The following UPRT variants were observed in gnomAD, a reference collection of about 807,000 sequenced individuals.
UPRT encodes the protein RP11-311P8.3.
A neutral mutation model predicts 22.6 loss-of-function variants in UPRT; 5 were observed. The ratio of observed to expected loss-of-function variants is 0.22; its 90% confidence interval spans 0.12 to 0.47. The LOEUF (loss-of-function observed/expected upper bound fraction) is 0.47. Ranked by LOEUF, UPRT falls within the 20% of genes least tolerant of loss-of-function variation. The pLI is 0.99. For synonymous variants in UPRT, 77 were observed against 87.7 expected (o/e 0.88, Z 0.68); for missense variants, 181 against 239.9 (o/e 0.75, Z 1.62).
At chrX:75,156,790 G>GT in intron 1 of UPRT, 1 of 327,533 alleles carries the variant, frequency 3.1e-6, no homozygotes, top group Non-Finnish European at 5.9e-6. Context: ...GGCTTCAGCT[G>GT]TAAGATTTAC....
At chrX:75,213,576 T>C (rs757783349) in intron 4 of UPRT, among the ~76,000 whole-genome samples, 18 of 111,832 alleles carry the variant, frequency 1.6e-4, no homozygotes, top group African/African-American at 5.8e-4. Flanking sequence ...ATATGTTTTC[T>C]ACAAGGAATC....
chrX:75,190,716 A>C (rs909068624), intron 4 of UPRT, among the ~76,000 whole-genome samples: 4 of 111,094 alleles, frequency 3.6e-5, no homozygotes, highest in Non-Finnish European at 7.5e-5. Flanking sequence ...TTCTCGCTTC[A>C]TTTCATTCAT....
chrX:75,237,207 A>G (rs1261492437), intron 4 of UPRT, among the ~76,000 whole-genome samples: 2 of 112,457 alleles, frequency 1.8e-5, no homozygotes, highest in African/African-American at 6.5e-5. Context: ...AATGCTCACC[A>G]TCACTGGCCA....
At chrX:75,161,147 AGCACT>A (rs774291596) in intron 2 of UPRT, among the ~76,000 whole-genome samples, 2 of 112,197 alleles carry the variant, frequency 1.8e-5, no homozygotes, top group African/African-American at 6.5e-5. Flanking sequence ...TTCTGTTTTA[AGCACT>A]GCACTGCACT....
At chrX:75,246,447 T>G (rs1384913825) in intron 4 of UPRT, among the ~76,000 whole-genome samples, 1 of 110,736 alleles carries the variant, frequency 9.0e-6, no homozygotes, top group Non-Finnish European at 1.9e-5. Flanking sequence ...TCCTTTTTTG[T>G]GGCTGCATAG....
chrX:75,264,379 A>C (rs1370542488), intron 4 of UPRT, among the ~76,000 whole-genome samples: 1 of 111,531 alleles, frequency 9.0e-6, no homozygotes, highest in African/African-American at 3.3e-5. Context: ...TAGGTCTCTA[A>C]GGACTTGCTC....
intron 4 of UPRT, among the ~76,000 whole-genome samples, chrX:75,214,413 A>C (rs2082387326): frequency 8.8e-6 from 1 of 113,104 alleles, no homozygotes; most frequent in South Asian, 3.6e-4. Context: ...ACAAGGACAA[A>C]TACTACATAA....
chrX:75,304,443 A>G lies in UPRT; in HGVS notation c.*932A>G, dbSNP rs911636115. ...CTGTATATGTATGAAAATAGAAAAA[A>G]ACCATGCTTTTTGTAAAAACCCCTA... On this transcript the variant is annotated 3_prime_UTR_variant, in exon 7 of 7. Transcript: ENST00000373383. The G allele has an allele frequency of 9.0e-6, 1 of 111,545 alleles. No individual in the cohort carries two copies. Among genetic ancestry groups the G allele is most frequent in the African/African-American group, 3.3e-5 (1 of 30,649 alleles). 9.2% of individuals were successfully genotyped at this position (111,545 alleles called of 1,213,427 possible).
At position 75,280,850 on chromosome X, in the gene UPRT, A is replaced by T. The variant is rs187998360; in HGVS notation, c.386+6210A>T. On this transcript the variant is annotated intron_variant, in intron 1 of 6. Transcript: ENST00000373383. ...GATGGGAATTGCATTGAATTTGTAG[A>T]TTGCTTTTGGCAGTATGATCATTTT... Among the ~76,000 whole-genome samples, 376 of 111,193 alleles carry T rather than the reference A, an allele frequency of 3.4e-3. 2 individuals carry two copies. The highest frequency in any genetic ancestry group is 0.012 in the African/African-American group (360 of 30,576).
intron 4 of UPRT, among the ~76,000 whole-genome samples, chrX:75,213,123 C>A (rs2082384131): frequency 8.9e-6 from 1 of 112,083 alleles, no homozygotes; most frequent in African/African-American, 3.2e-5. Context: ...TATAGGCAGT[C>A]TCCTCACACT....
At chrX:75,256,467 G>GAACC (rs1269800184) in intron 4 of UPRT, among the ~76,000 whole-genome samples, 1 of 110,633 alleles carries the variant, frequency 9.0e-6, no homozygotes, top group Non-Finnish European at 1.9e-5. Context: ...AGAGAAACAA[G>GAACC]AACCAACCAA....
intron 4 of UPRT, among the ~76,000 whole-genome samples, chrX:75,194,530 G>C (rs897596283): frequency 9.0e-6 from 1 of 111,274 alleles, no homozygotes; most frequent in Non-Finnish European, 1.9e-5. Flanking sequence ...CTCCATGAAG[G>C]TGTTTTCAGG....
chrX:75,269,649 T>C (rs1325993500), upstream of UPRT, among the ~76,000 whole-genome samples: 2 of 111,507 alleles, frequency 1.8e-5, no homozygotes, highest in African/African-American at 6.5e-5. Context: ...AAACAAGCAA[T>C]GGGAAAATGA....
intron 4 of UPRT, among the ~76,000 whole-genome samples, chrX:75,185,821 A>G (rs1053562033): frequency 1.8e-5 from 2 of 111,377 alleles, no homozygotes; most frequent in African/African-American, 6.5e-5. Context: ...CGGTGTTTGT[A>G]ATATTCTCTG....
At chrX:75,207,959 A>C (rs955001925) in intron 4 of UPRT, among the ~76,000 whole-genome samples, 4 of 111,363 alleles carry the variant, frequency 3.6e-5, no homozygotes, top group African/African-American at 9.8e-5. Flanking sequence ...TTTTAAAGTG[A>C]GAGTTGATGG....
At chrX:75,159,587 C>T (rs1295926150) in intron 1 of UPRT, among the ~76,000 whole-genome samples, 1 of 111,155 alleles carries the variant, frequency 9.0e-6, no homozygotes, top group Non-Finnish European at 1.9e-5. Flanking sequence ...TGTTCATATG[C>T]ACATTCAAGT....
intron 4 of UPRT, among the ~76,000 whole-genome samples, chrX:75,253,111 G>A (rs1343084497): frequency 2.7e-5 from 3 of 111,115 alleles, no homozygotes; most frequent in Admixed American, 1.9e-4. Flanking sequence ...GTTAATGGGT[G>A]CAGCACACCA....
chrX:75,214,299 A>G (rs1336504466), intron 4 of UPRT, among the ~76,000 whole-genome samples: 1 of 112,886 alleles, frequency 8.9e-6, no homozygotes, highest in Non-Finnish European at 1.9e-5. Context: ...TAGTATACAC[A>G]TACAATGAAA....
At chrX:75,214,076 T>C (rs909216715) in intron 4 of UPRT, among the ~76,000 whole-genome samples, 2 of 112,208 alleles carry the variant, frequency 1.8e-5, no homozygotes, top group Non-Finnish European at 3.8e-5. Flanking sequence ...GATGACATTC[T>C]GGGCCACAAA....
Sources: allele counts gnomAD v4.1 joint callset (sites outside exome capture counted in the v4.1 genomes callset), GRCh38; gene constraint gnomAD v4.1.1; transcripts MANE v1.5; gene names NCBI Gene and HGNC (gene_info 2026-07-23, HGNC 2026-07-21).